The following ZNF527 variants were observed in gnomAD, a reference collection of about 807,000 sequenced individuals.
ZNF527 encodes the protein zinc finger protein 527.
In ZNF527, 5 loss-of-function variants were observed where a neutral mutation model predicts 13.5. The observed-to-expected ratio is 0.37, with a 90% CI of 0.19 to 0.78. ZNF527 has a LOEUF of 0.78. Among genes scored for constraint, ZNF527 ranks in the 30% least tolerant of loss-of-function variants. The pLI is 0.48. For synonymous variants in ZNF527, 209 were observed against 243.1 expected (o/e 0.86, Z 1.30); for missense variants, 628 against 726.4 (o/e 0.86, Z 1.56).
chr19:37,379,904 CTG>C (rs1283854703), intron 3 of ZNF527: 2 of 165,980 alleles, frequency 1.2e-5, no homozygotes, highest in Non-Finnish European at 2.6e-5. Flanking sequence ...AAATCAGAAA[CTG>C]TGGGAGTAGG....
intron 4 of ZNF527, among the ~76,000 whole-genome samples, chr19:37,387,312 G>C (rs1158019755): frequency 6.6e-6 from 1 of 152,110 alleles, no homozygotes; most frequent in East Asian, 1.9e-4. Flanking sequence ...TATTCTCCGA[G>C]AATTATTCCT....
At chr19:37,384,991 T>C in intron 4 of ZNF527, 1 of 701,844 alleles carries the variant, frequency 1.4e-6, no homozygotes, top group Non-Finnish European at 2.6e-6. Context: ...GGTTAATTTT[T>C]TTGTTTATTT....
chr19:37,380,373 G>T lies in ZNF527; in HGVS notation c.256+1G>T. 6.2e-7 allele frequency: 1 copy of T among 1,612,754 alleles called. No individual in the cohort carries two copies. Reference sequence around the variant, plus strand: ...AAGATGTCACAGGGTCACTGTGCAGGTGAGTGACAGATCACCAGGCAGGGA... The same window carrying T: ...AAGATGTCACAGGGTCACTGTGCAGTTGAGTGACAGATCACCAGGCAGGGA... On this transcript the variant is annotated splice_donor_variant, in intron 4 of 4. Transcript: ENST00000436120. LOFTEE classifies it high-confidence loss of function.
At chr19:37,386,140 C>CTGTTTTTT (rs2040696871) in intron 4 of ZNF527, among the ~76,000 whole-genome samples, 1 of 72,456 alleles carries the variant, frequency 1.4e-5, no homozygotes, top group Non-Finnish European at 2.3e-5. Context: ...TCTTCTTTTC[C>CTGTTTTTT]TTTTTTTTTT....
intron 2 of ZNF527, among the ~76,000 whole-genome samples, chr19:37,375,611 G>A (rs1251638058): frequency 1.3e-5 from 2 of 151,736 alleles, no homozygotes; most frequent in Non-Finnish European, 2.9e-5. Context: ...TGCCTGCCTC[G>A]GCCTCCCAAA....
chr19:37,371,140 C>T lies in ZNF527; in HGVS notation c.-128C>T, dbSNP rs1015350321. The T allele has an allele frequency of 6.5e-6, 1 of 152,686 alleles. No individual in the cohort carries two copies. Among genetic ancestry groups the T allele is most frequent in the Non-Finnish European group, 1.5e-5 (1 of 68,074 alleles). 9.5% of individuals were successfully genotyped at this position (152,686 alleles called of 1,614,324 possible). On this transcript the variant is annotated 5_prime_UTR_variant, in exon 1 of 5. Transcript: ENST00000436120. Reference sequence around the variant, plus strand: ...AGAGTCCTGCATGCCTCAGTCCTCGCCTCGCTCCTCCTCGCGGAGGATTCT... The same window carrying T: ...AGAGTCCTGCATGCCTCAGTCCTCGTCTCGCTCCTCCTCGCGGAGGATTCT...
At position 37,391,970 on chromosome 19, in the gene ZNF527, A is replaced by G. The variant is rs2040758593; in HGVS notation, c.*2091A>G. 1 of 152,340 alleles carries G rather than the reference A, an allele frequency of 6.6e-6. No individual in the cohort carries two copies. Among genetic ancestry groups the G allele is most frequent in the East Asian group, 1.9e-4 (1 of 5,186 alleles). 9.4% of individuals were successfully genotyped at this position (152,340 alleles called of 1,614,324 possible). A position where few individuals can be genotyped will look rare whatever the true frequency, so the allele number is the denominator to read the frequency against. ...AAGAATGAAGGATTTATATGTGTGC[A>G]TAGAGTGAATATATGTGTGCATAGA... On this transcript the variant is annotated 3_prime_UTR_variant, in exon 5 of 5. Transcript: ENST00000436120.
intron 4 of ZNF527, among the ~76,000 whole-genome samples, chr19:37,388,086 T>A (rs2040714690): frequency 6.6e-6 from 1 of 152,162 alleles, no homozygotes; most frequent in Admixed American, 6.5e-5. Context: ...AACTACCACC[T>A]CCCTATCGTC....
chr19:37,375,121 G>T (rs1214267768), intron 2 of ZNF527, among the ~76,000 whole-genome samples: 3 of 152,046 alleles, frequency 2.0e-5, no homozygotes, highest in Admixed American at 2.0e-4. Flanking sequence ...ATGTGAAGTG[G>T]GATGGATATC....
intron 1 of ZNF527, among the ~76,000 whole-genome samples, chr19:37,372,082 C>T (rs1350410980): frequency 6.6e-6 from 1 of 151,762 alleles, no homozygotes; most frequent in East Asian, 1.9e-4. Flanking sequence ...TCACTGCAAC[C>T]TCCGCCTCCC....
At chr19:37,381,799 T>C (rs1191131257) in intron 4 of ZNF527, among the ~76,000 whole-genome samples, 1 of 152,174 alleles carries the variant, frequency 6.6e-6, no homozygotes, top group Non-Finnish European at 1.5e-5. Flanking sequence ...GTATATTAAT[T>C]GGGATTGTTC....
chr19:37,378,308 G>A (rs1436534256), intron 2 of ZNF527, among the ~76,000 whole-genome samples: 7 of 152,022 alleles, frequency 4.6e-5, no homozygotes, highest in African/African-American at 1.4e-4. Context: ...GATTACAGGC[G>A]TGAACCACTG....
intron 1 of ZNF527, among the ~76,000 whole-genome samples, chr19:37,372,073 C>T (rs937465733): frequency 1.3e-5 from 2 of 151,000 alleles, no homozygotes; most frequent in Non-Finnish European, 2.9e-5. Flanking sequence ...GATCTCGGCT[C>T]ACTGCAACCT....
At chr19:37,382,285 GTAGA>G (rs10594777) in intron 4 of ZNF527, among the ~76,000 whole-genome samples, 60,668 of 149,014 alleles carry the variant, frequency 0.41, 13,061 homozygotes, top group Non-Finnish European at 0.49. Flanking sequence ...AGATAGATAG[GTAGA>G]TAGATAGATA....
rs1177359250 is a variant in ZNF527, at chr19:37,380,338, G to A, written c.222G>A (p.Met74Ile). ...SLLEQGKEPW[M>I]VERKMSQGHC... is the part of the protein sequence containing the mutation. Reference sequence around the variant, plus strand: ...TGGAGCAAGGGAAGGAACCGTGGATGGTGGAGAGAAAGATGTCACAGGGTC... The same window carrying A: ...TGGAGCAAGGGAAGGAACCGTGGATAGTGGAGAGAAAGATGTCACAGGGTC... The change falls in exon 4 of 5, where the codon ATG becomes ATA. Residue 74 changes from methionine to isoleucine, a missense_variant. Met to Ile is a conservative substitution (Grantham distance 10, BLOSUM62 1). Around this residue, in one of 3 missense-constraint regions of ZNF527, gnomAD observed 592 missense variants for 678.0 expected, o/e 0.87. Coordinates refer to ENST00000436120, the MANE Select transcript of ZNF527 (RefSeq NM_032453.2). 5.6e-6 allele frequency: 9 copies of A among 1,614,068 alleles called. No homozygotes were observed. Among genetic ancestry groups the A allele is most frequent in the Non-Finnish European group, 6.8e-6 (8 of 1,179,964 alleles).
chr19:37,390,038 T>A lies in ZNF527; in HGVS notation c.*159T>A. 1 of 957,298 alleles carries A rather than the reference T, an allele frequency of 1.0e-6. No homozygotes were observed. Among genetic ancestry groups the A allele is most frequent in the Non-Finnish European group, 1.5e-6 (1 of 677,556 alleles). 59.3% of individuals were successfully genotyped at this position (957,298 alleles called of 1,614,324 possible). Reference sequence around the variant, plus strand: ...CTCAGTAGTAGACATCTGTTACTTTTTTTTTTTTCAGACAGAGTCTCGCTC... The same window carrying A: ...CTCAGTAGTAGACATCTGTTACTTTATTTTTTTTCAGACAGAGTCTCGCTC... On this transcript the variant is annotated 3_prime_UTR_variant, in exon 5 of 5. Coordinates refer to ENST00000436120, the MANE Select transcript of ZNF527 (RefSeq NM_032453.2).
At chr19:37,375,349 C>G (rs1283146671) in intron 2 of ZNF527, among the ~76,000 whole-genome samples, 1 of 100,158 alleles carries the variant, frequency 1.0e-5, no homozygotes, top group African/African-American at 4.1e-5. Flanking sequence ...CCTTTCTTTC[C>G]TTTCTTTCTT....
In ZNF527 at chr19:37,389,468, C is replaced by G; in HGVS notation, c.1419C>G (p.Ile473Met). Reference sequence around the variant, plus strand: ...CCGGAGAAAAGCCCTATGAATGCATCAAATGTGGGAAGTTTTTTAGGACTG... The same window carrying G: ...CCGGAGAAAAGCCCTATGAATGCATGAAATGTGGGAAGTTTTTTAGGACTG... ...IHTGEKPYEC[I>M]KCGKFFRTDS... The change falls in exon 5 of 5, where the codon ATC (isoleucine) becomes ATG (methionine). Residue 473 changes from isoleucine to methionine, a missense_variant. Physicochemically the swap from Ile to Met is conservative, Grantham distance 10 (BLOSUM62 1). Around this residue, in one of 3 missense-constraint regions of ZNF527, gnomAD observed 592 missense variants for 678.0 expected, o/e 0.87. Coordinates refer to ENST00000436120, the MANE Select transcript of ZNF527 (RefSeq NM_032453.2). 3 of 1,613,788 alleles carry G rather than the reference C, an allele frequency of 1.9e-6. No homozygotes were observed. Among genetic ancestry groups the G allele is most frequent in the Non-Finnish European group, 2.5e-6 (3 of 1,179,970 alleles).
chr19:37,373,866 G>C (rs2040578392), intron 1 of ZNF527, among the ~76,000 whole-genome samples: 1 of 152,212 alleles, frequency 6.6e-6, no homozygotes, highest in Non-Finnish European at 1.5e-5. Context: ...GGGCGGAAGG[G>C]TAGGAAATTA....
Sources: gnomAD v4.1 joint callset for allele counts (sites outside exome capture counted in the v4.1 genomes callset) on GRCh38, gnomAD v4.1.1 for gene constraint, gnomAD v4.1.1 regional missense constraint, MANE v1.5 for transcripts, NCBI Gene and HGNC (gene_info 2026-07-23, HGNC 2026-07-21) for gene names.